Variants in C17orf78 observed in about 807,000 individuals in gnomAD.
C17orf78 encodes chromosome 17 open reading frame 78, also known as uncharacterized protein C17orf78.
A neutral mutation model predicts 31.8 loss-of-function variants in C17orf78; 27 were observed. That is an observed-to-expected ratio of 0.85 (90% CI 0.63 to 1.17). The LOEUF is 1.17. C17orf78 is among the 50% of genes most tolerant of loss of function. The probability of loss-of-function intolerance (pLI) is 0.00; values close to 1 mark genes in which losing one functional copy is unlikely to be tolerated. For synonymous variants in C17orf78, 106 were observed against 115.1 expected, an observed-to-expected ratio of 0.92 and a Z score of 0.51; for missense variants, 258 against 315.2, an observed-to-expected ratio of 0.82 and a Z score of 1.37.
rs1274958461 is a variant in C17orf78, at chr17:37,392,479, T to G, written c.*755T>G. ...ATGAGTCAAATCTAACCTGCTTAAA[T>G]AAGAGTTTGGTGAGAAAGTGAAACC... On this transcript the variant is annotated 3_prime_UTR_variant, in exon 7 of 7. Transcript: ENST00000615133. 6.6e-6 allele frequency: 1 copy of G among 152,142 alleles called. No individual in the cohort carries two copies. The highest frequency in any genetic ancestry group is 1.5e-5 in the Non-Finnish European group (1 of 68,024). The allele number at this position is 152,142 out of a possible 1,614,324, so 9.4% of individuals were successfully genotyped here.
At chr17:37,391,483 C>T (rs1002775663) in intron 6 of C17orf78, among the ~76,000 whole-genome samples, 164 bp from the exon 7 acceptor site, 8 of 152,096 alleles carry the variant, frequency 5.3e-5, no homozygotes. Flanking sequence ...CCTATGTGCA[C>T]CTTGATCATA....
intron 6 of C17orf78, among the ~76,000 whole-genome samples, chr17:37,390,149 T>TAC (rs2050740567): frequency 3.6e-5 from 1 of 27,612 alleles, no homozygotes. Context: ...AGTATATATA[T>TAC]ATATATATAT....
chr17:37,386,265 T>C (rs962303074), intron 4 of C17orf78, 140 bp downstream of exon 4: 22 of 605,034 alleles, frequency 3.6e-5, no homozygotes, highest in East Asian at 1.5e-4. Context: ...TGAATGTACA[T>C]TGAAAAATCA....
chr17:37,382,307 C>T (rs890631814), intron 3 of C17orf78, among the ~76,000 whole-genome samples: 1 of 151,926 alleles, frequency 6.6e-6, no homozygotes, highest in Non-Finnish European at 1.5e-5. Flanking sequence ...CCTGAAGTTT[C>T]TCTCCTTCTG....
chr17:37,390,747 C>T (rs2050845747), intron 6 of C17orf78, among the ~76,000 whole-genome samples: 1 of 148,558 alleles, frequency 6.7e-6, no homozygotes, highest in East Asian at 2.0e-4. Flanking sequence ...GAGCTATGAT[C>T]GAGCCACTGC....
Position 37,376,752 on chromosome 17 carries a change from C to T in C17orf78, c.58+602C>T, listed in dbSNP as rs187805034. ...GGTGGATCACCTGAGGTCAGGAGTT[C>T]GAGACCAGCCTGGCCAACATGGCGA... On this transcript the variant is annotated intron_variant, in intron 1 of 6. Coordinates refer to ENST00000615133, the MANE Select transcript of C17orf78 (RefSeq NM_173625.5). Among the ~76,000 whole-genome samples, 1,134 of 152,076 alleles carry T rather than the reference C, an allele frequency of 7.5e-3. 14 individuals carry two copies. Among genetic ancestry groups the T allele is most frequent in the African/African-American group, 0.026 (1,072 of 41,474 alleles).
At chr17:37,391,542 T>C (rs1277811260) in intron 6 of C17orf78, 105 bp from the exon 7 acceptor site, 1 of 985,926 alleles carries the variant, frequency 1.0e-6, no homozygotes, top group South Asian at 1.3e-5. Context: ...TGAAGTGCAC[T>C]TGGAATTACA....
chr17:37,380,405 C>T (rs1368642987), intron 3 of C17orf78, among the ~76,000 whole-genome samples: 1 of 151,484 alleles, frequency 6.6e-6, no homozygotes, highest in African/African-American at 2.4e-5. Context: ...TGCACATGTA[C>T]CCTAAAACTT....
chr17:37,384,562 T>TAAAAAA (rs539817178), intron 3 of C17orf78, among the ~76,000 whole-genome samples: 1 of 148,622 alleles, frequency 6.7e-6, no homozygotes, highest in African/African-American at 2.5e-5. Context: ...TCTTACAGAT[T>TAAAAAA]AAAAAAAAAA....
intron 3 of C17orf78, among the ~76,000 whole-genome samples, chr17:37,381,896 G>C (rs1345135744): frequency 6.6e-6 from 1 of 151,964 alleles, no homozygotes. Context: ...CAAAGTGCTG[G>C]GATTACAGGC....
rs1201744171 is a variant in C17orf78 at position 37,392,252 on chromosome 17, C to G, written c.*528C>G. On this transcript the variant is annotated 3_prime_UTR_variant, in exon 7 of 7. Transcript: ENST00000615133. ...TGAAGGGAACTTGACCCTACGCATT[C>G]CAAAAGCCTTCCTCATAAGTTATCC... The G allele has an allele frequency of 6.5e-6, 1 of 153,540 alleles. No individual in the cohort carries two copies. Among genetic ancestry groups the G allele is most frequent in the East Asian group, 1.9e-4 (1 of 5,228 alleles). 9.5% of individuals were successfully genotyped at this position (153,540 alleles called of 1,614,324 possible).
At chr17:37,379,415 T>C in intron 3 of C17orf78, 33 bp downstream of exon 3, 1 of 1,599,884 alleles carries the variant, frequency 6.3e-7, no homozygotes. Context: ...GGGCAGGCAC[T>C]AACTTTTAGT....
chr17:37,390,258 TATA>T lies in C17orf78; in HGVS notation c.750+899_750+901del, dbSNP rs376402237. On this transcript the variant is annotated intron_variant, in intron 6 of 6. Transcript: ENST00000615133. The stretch of plus-strand genomic sequence containing the variant: ...TATAATATATTATATATATATTATA[TATA>T]ATTATATATAATATATTATATATAA... Among the ~76,000 whole-genome samples, 4 of 63,750 alleles carry T rather than the reference TATA, an allele frequency of 6.3e-5. No homozygotes were observed. The South Asian group carries it at 1.8e-3, about 29-fold the overall frequency. 41.8% of individuals were successfully genotyped at this position (63,750 alleles called of 152,430 possible).
At chr17:37,391,536 G>A in intron 6 of C17orf78, 111 bp from the exon 7 acceptor site, 1 of 911,966 alleles carries the variant, frequency 1.1e-6, no homozygotes, top group Admixed American at 1.9e-5. Flanking sequence ...GCAAAATGAA[G>A]TGCACTTGGA....
Position 37,389,364 on chromosome 17 carries a change from A to G in C17orf78, c.750+2A>G, listed in dbSNP as rs2050688627. On this transcript the variant is annotated splice_donor_variant, in intron 6 of 6. Coordinates refer to ENST00000615133, the MANE Select transcript of C17orf78 (RefSeq NM_173625.5). LOFTEE classifies it high-confidence loss of function. Reference sequence around the variant, plus strand: ...AAGCCTGACTCTCAGCCCCAGAAGGAAAGTGTTCTCTGTGTGGTTTATGTC... The same window carrying G: ...AAGCCTGACTCTCAGCCCCAGAAGGGAAGTGTTCTCTGTGTGGTTTATGTC... 6.3e-7 allele frequency: 1 copy of G among 1,574,946 alleles called. No homozygotes were observed. The highest frequency in any genetic ancestry group is 2.3e-5 in the East Asian group (1 of 42,842).
chr17:37,380,594 C>CA (rs2050205858), intron 3 of C17orf78, among the ~76,000 whole-genome samples: 1 of 150,790 alleles, frequency 6.6e-6, no homozygotes, highest in Non-Finnish European at 1.5e-5. Context: ...TTTAAAATTT[C>CA]TTTTTTTTTG....
intron 6 of C17orf78, among the ~76,000 whole-genome samples, chr17:37,390,305 T>TTTATATATATATATA (rs1568095946): frequency 5.6e-4 from 9 of 16,098 alleles, no homozygotes; most frequent in South Asian, 2.1e-3. Context: ...TATACATAAT[T>TTTATATATATATATA]ATATATATAT....
chr17:37,379,238 T>C lies in C17orf78; in HGVS notation c.247T>C (p.Tyr83His), dbSNP rs1259567129. ...CAGCAAAGTAAAAGTCAACCTTGTA[T>C]ATTTGGAGAGAAGGCCAAAGGTCAA... ...SDSKVKVNLV[Y>H]LERRPKVKHI... is the part of the protein sequence containing the mutation. Residue 83 changes from tyrosine to histidine, a missense_variant, in exon 3 of 7, where the codon TAT becomes CAT. Tyr to His is a moderately conservative substitution (Grantham distance 83). Transcript: ENST00000615133. 2.5e-6 allele frequency: 4 copies of C among 1,613,894 alleles called. No individual in the cohort carries two copies. In the African/African-American group the frequency reaches 5.3e-5, roughly 22 times the overall value.
intron 5 of C17orf78, 37 bp from the exon 6 acceptor site, chr17:37,389,209 C>A (rs2050680397): frequency 6.5e-7 from 1 of 1,548,352 alleles, no homozygotes; most frequent in South Asian, 1.2e-5. Flanking sequence ...TGCTTACCAG[C>A]CACTTCATAT....
Sources: gnomAD v4.1 joint callset for allele counts (sites outside exome capture counted in the v4.1 genomes callset) on GRCh38, gnomAD v4.1.1 for gene constraint, MANE v1.5 for transcripts, NCBI Gene and HGNC (gene_info 2026-07-23, HGNC 2026-07-21) for gene names.